THAP4: variants seen among roughly 807,000 people sequenced by gnomAD.
THAP4 encodes the protein THAP domain containing 4.
Under a neutral mutation model 48.1 loss-of-function variants are expected in THAP4, and 18 were observed. The observed-to-expected ratio is 0.37, with a 90% CI of 0.26 to 0.56. The LOEUF is 0.56. Ranked by LOEUF, THAP4 falls within the 20% of genes least tolerant of loss-of-function variation. The pLI is 0.78. For synonymous variants in THAP4, 345 were observed against 324.9 expected (o/e 1.06, Z -0.66); for missense variants, 656 against 774.9 (o/e 0.85, Z 1.82).
chr2:241,584,490 T>G lies in THAP4; in HGVS notation c.*116A>C. ...TACAGAAACATCTGGACAACACTCT[T>G]GAGCCTGCAGAGGCTCACGGCCACA... On this transcript the variant is annotated 3_prime_UTR_variant, in exon 6 of 6. Transcript: ENST00000407315. 1 of 1,137,114 alleles carries G rather than the reference T, an allele frequency of 8.8e-7. No homozygotes were observed. The highest frequency in any genetic ancestry group is 1.3e-6 in the Non-Finnish European group (1 of 775,782). The allele number at this position is 1,137,114 out of a possible 1,614,324, so 70.4% of individuals were successfully genotyped here. A position where few individuals can be genotyped will look rare whatever the true frequency, so the allele number is the denominator to read the frequency against.
rs145831406 is a variant in THAP4 at position 241,607,777 on chromosome 2, C to T, written c.1241-1304G>A. Among the ~76,000 whole-genome samples the T allele has an allele frequency of 3.2e-3, 346 of 108,274 alleles. 2 individuals are homozygous for T. The highest frequency in any genetic ancestry group is 5.7e-3 in the Middle Eastern group (1 of 174). The allele number at this position is 108,274 out of a possible 152,430, so 71.0% of individuals were successfully genotyped here. ...CCCGCGCAAGCAGAAGACGGACTGA[C>T]GGGGACAGGATCGGACTGATGCCCA... On this transcript the variant is annotated intron_variant, in intron 2 of 5. Coordinates refer to ENST00000407315, the MANE Select transcript of THAP4 (RefSeq NM_015963.6).
intron 5 of THAP4, among the ~76,000 whole-genome samples, chr2:241,599,764 C>A (rs1395979273): frequency 1.3e-5 from 2 of 151,956 alleles, no homozygotes; most frequent in Non-Finnish European, 2.9e-5. Flanking sequence ...GATGTTTATT[C>A]AAAAGTTCAT....
At position 241,612,366 on chromosome 2, in the gene THAP4, G is replaced by A. The variant is rs1326161747; in HGVS notation, c.1241-5893C>T. On this transcript the variant is annotated intron_variant, in intron 2 of 5. Transcript: ENST00000407315. This position sits in a 1 kb window ranked among gnomAD's most constrained non-coding sequence, Gnocchi z 4.1. Reference sequence around the variant, plus strand: ...GGCACAGCCTAGTGAAGACCATCTGGCATGTGCCTGAGAGGTTAAGTGTGG... The same window carrying A: ...GGCACAGCCTAGTGAAGACCATCTGACATGTGCCTGAGAGGTTAAGTGTGG... Among the ~76,000 whole-genome samples, 1 of 152,202 alleles carries A rather than the reference G, an allele frequency of 6.6e-6. No individual in the cohort carries two copies. The highest frequency in any genetic ancestry group is 1.9e-4 in the East Asian group (1 of 5,200).
At chr2:241,632,102 T>G (rs2067570949) in intron 2 of THAP4, among the ~76,000 whole-genome samples, 1 of 151,738 alleles carries the variant, frequency 6.6e-6, no homozygotes, top group Non-Finnish European at 1.5e-5. Flanking sequence ...TGTGTGTCTT[T>G]TTTTTTTGGA....
chr2:241,590,872 T>G (rs1477280317), intron 5 of THAP4, among the ~76,000 whole-genome samples: 7 of 147,622 alleles, frequency 4.7e-5, no homozygotes, highest in Non-Finnish European at 1.1e-4. Flanking sequence ...CACACAGAAC[T>G]GCCCGGCTGA....
intron 5 of THAP4, among the ~76,000 whole-genome samples, chr2:241,596,666 C>T (rs933391127): frequency 2.6e-5 from 4 of 151,294 alleles, no homozygotes; most frequent in East Asian, 2.0e-4. Context: ...ATTAGCCTGG[C>T]GTGGTGGCGC....
chr2:241,598,973 G>C (rs2067081796), intron 5 of THAP4, among the ~76,000 whole-genome samples: 1 of 151,926 alleles, frequency 6.6e-6, no homozygotes, highest in Non-Finnish European at 1.5e-5. Context: ...AGGCTATCCG[G>C]CTGGGCGCAG....
intron 2 of THAP4, among the ~76,000 whole-genome samples, chr2:241,609,811 T>C (rs2067240876): frequency 2.0e-5 from 3 of 150,838 alleles, no homozygotes; most frequent in African/African-American, 7.3e-5. Context: ...AAAGAGGCTT[T>C]GCAAACCTCA....
intron 2 of THAP4, among the ~76,000 whole-genome samples, chr2:241,631,827 T>A (rs1291785783): frequency 1.3e-5 from 2 of 152,090 alleles, no homozygotes; most frequent in Non-Finnish European, 2.9e-5. Context: ...CAAACAATAA[T>A]TTTTTTACCA....
chr2:241,588,641 G>T (rs1380725748), intron 5 of THAP4, among the ~76,000 whole-genome samples: 2 of 152,158 alleles, frequency 1.3e-5, no homozygotes, highest in African/African-American at 2.4e-5. Context: ...AAAGTGAGTT[G>T]ATTTTCGACA....
At chr2:241,636,560 G>A (rs931861087) in intron 1 of THAP4, among the ~76,000 whole-genome samples, 1 of 152,264 alleles carries the variant, frequency 6.6e-6, no homozygotes, top group Non-Finnish European at 1.5e-5. Context: ...CGCAGGTCGC[G>A]TCTGCCCGGT....
rs377002497 is a variant in THAP4, at chr2:241,634,079, C to T, written c.78G>A (p.Arg26=). Reference sequence around the variant, plus strand: ...GACGTTTTGAGTCCTTTAGGGGGAACCTACAGGACAAATGACAAAAAGTAA... The same window carrying T: ...GACGTTTTGAGTCCTTTAGGGGGAATCTACAGGACAAATGACAAAAAGTAA... ...KGEKRAVSFH[R]FPLKDSKRLI... The change falls in exon 2 of 6, where the codon AGG becomes AGA. Residue 26 remains arginine, a splice_region_variant and synonymous_variant. Transcript: ENST00000407315. 1.8e-5 allele frequency: 27 copies of T among 1,537,858 alleles called. No homozygotes were observed. The African/African-American group carries it at 3.5e-4, about 20-fold the overall frequency.
intron 2 of THAP4, among the ~76,000 whole-genome samples, chr2:241,630,727 C>G (rs2067546363): frequency 7.3e-6 from 1 of 137,896 alleles, no homozygotes; most frequent in Non-Finnish European, 1.5e-5. Context: ...TGCGGTGAGC[C>G]AAGATTGCAC....
At chr2:241,591,876 C>T (rs1276025111) in intron 5 of THAP4, 2 of 152,208 alleles carry the variant, frequency 1.3e-5, no homozygotes, top group Admixed American at 6.5e-5. Flanking sequence ...GCAAACTGAA[C>T]CACATAAAAT....
In THAP4 at chr2:241,610,512, G is replaced by A. The variant is rs2067256368; in HGVS notation, c.1241-4039C>T. Among the ~76,000 whole-genome samples, 1 of 152,192 alleles carries A rather than the reference G, an allele frequency of 6.6e-6. No homozygotes were observed. Among genetic ancestry groups the A allele is most frequent in the Non-Finnish European group, 1.5e-5 (1 of 68,024 alleles). On this transcript the variant is annotated intron_variant, in intron 2 of 5. Coordinates refer to ENST00000407315, the MANE Select transcript of THAP4 (RefSeq NM_015963.6). The surrounding 1 kb of genome is among the most constrained non-coding windows in gnomAD (Gnocchi z 4.2). ...GGCTCACTCAAGAGCTCCAGCAAGA[G>A]CAGAGGCGGGAGCCTCGCCAGCCCC...
chr2:241,637,175 G>T, upstream of THAP4: 9 of 976,004 alleles, frequency 9.2e-6, no homozygotes, highest in Non-Finnish European at 9.7e-6. Flanking sequence ...GCAGGCGCCC[G>T]CAGCGGGCCC....
intron 5 of THAP4, chr2:241,584,973 C>T (rs1479166258): frequency 6.1e-6 from 3 of 495,650 alleles, no homozygotes; most frequent in East Asian, 3.7e-5. Context: ...TTTTTGTCGA[C>T]GGCCATACCA....
rs1374564061 is a variant in THAP4, at chr2:241,617,457, A to T, written c.1241-10984T>A. 31 of 1,550,534 alleles carry T rather than the reference A, an allele frequency of 2.0e-5. No individual in the cohort carries two copies. In the Admixed American group the frequency reaches 5.1e-4, roughly 26 times the overall value. On this transcript the variant is annotated intron_variant, in intron 2 of 5. Coordinates refer to ENST00000407315, the MANE Select transcript of THAP4 (RefSeq NM_015963.6). Reference sequence around the variant, plus strand: ...CTCCGGACACTCGTCAAGGTTCCTCAAGGTTGTTTTCTGCCAATTGACGGG... The same window carrying T: ...CTCCGGACACTCGTCAAGGTTCCTCTAGGTTGTTTTCTGCCAATTGACGGG...
Position 241,633,265 on chromosome 2 carries a change from G to A in THAP4, c.892C>T (p.Gln298Ter), listed in dbSNP as rs780240042. 6.2e-7 allele frequency: 1 copy of A among 1,611,484 alleles called. No individual in the cohort carries two copies. The highest frequency in any genetic ancestry group is 8.5e-7 in the Non-Finnish European group (1 of 1,179,620). ...SLTATPQKPS[Q>*]SPSAPPADVT... The stretch of plus-strand genomic sequence containing the variant: ...TCGGCAGGAGGGGCAGAGGGGCTCT[G>A]GGAAGGCTTCTGCGGTGTCGCGGTA... The change falls in exon 2 of 6, where the codon CAG becomes TAG. Residue 298 changes from glutamine to a stop codon, truncating the protein, a stop_gained. Transcript: ENST00000407315. LOFTEE classifies it high-confidence loss of function. This position sits in a 1 kb window ranked among gnomAD's most constrained non-coding sequence, Gnocchi z 7.5.
Sources: allele counts gnomAD v4.1 joint callset (sites outside exome capture counted in the v4.1 genomes callset), GRCh38; gene constraint gnomAD v4.1.1; non-coding constraint Gnocchi (gnomAD v3.1); transcripts MANE v1.5; gene names NCBI Gene and HGNC (gene_info 2026-07-23, HGNC 2026-07-21).